CSMD1: variants seen among roughly 807,000 people sequenced by gnomAD.
CSMD1 encodes CUB and sushi domain-containing protein 1.
Under a neutral mutation model 417.5 loss-of-function variants are expected in CSMD1, and 213 were observed. The ratio of observed to expected loss-of-function variants is 0.51; its 90% CI spans 0.46 to 0.57. The LOEUF is 0.57. Among genes scored for constraint, CSMD1 ranks in the 20% least tolerant of loss-of-function variants. CSMD1 has a pLI of 0.00. For missense variants in CSMD1, 6,923 were observed against 4,529.7 expected (o/e 1.53, Z -15.17); for synonymous variants, 2,862 against 1,736.8 (o/e 1.65, Z -16.11).
At chr8:4,069,804 C>G (rs1164403111) in intron 3 of CSMD1, among the ~76,000 whole-genome samples, 1 of 152,152 alleles carries the variant, frequency 6.6e-6, no homozygotes, top group Non-Finnish European at 1.5e-5. Context: ...CGTAATTACT[C>G]GACAACTCAC....
intron 3 of CSMD1, among the ~76,000 whole-genome samples, chr8:4,037,628 A>C (rs1797688027): frequency 7.4e-6 from 1 of 134,456 alleles, no homozygotes. Context: ...TCTTATATTT[A>C]TCAGGTGTGC....
At chr8:4,868,724 T>C (rs972477315) in intron 1 of CSMD1, among the ~76,000 whole-genome samples, 1 of 151,956 alleles carries the variant, frequency 6.6e-6, no homozygotes, top group Non-Finnish European at 1.5e-5. Flanking sequence ...GCGGTACCAG[T>C]TAGAACTAGA....
At chr8:3,836,197 T>C (rs562923703) in intron 5 of CSMD1, among the ~76,000 whole-genome samples, 2 of 152,308 alleles carry the variant, frequency 1.3e-5, no homozygotes, top group African/African-American at 4.8e-5. Context: ...CACTTGTTTA[T>C]TTTGATCATG....
chr8:3,664,866 T>G (rs1203217965), intron 7 of CSMD1, among the ~76,000 whole-genome samples: 1 of 152,192 alleles, frequency 6.6e-6, no homozygotes, highest in Non-Finnish European at 1.5e-5. Context: ...CATAAACAAT[T>G]CAGACAGAAT....
At chr8:4,570,916 T>C (rs1234636377) in intron 2 of CSMD1, among the ~76,000 whole-genome samples, 2 of 152,224 alleles carry the variant, frequency 1.3e-5, no homozygotes, top group East Asian at 1.9e-4. Flanking sequence ...CTAGATTTTC[T>C]AGTTTATTTG....
intron 3 of CSMD1, among the ~76,000 whole-genome samples, chr8:4,191,329 G>C (rs1403866786): frequency 1.3e-5 from 2 of 152,250 alleles, no homozygotes; most frequent in East Asian, 3.9e-4. Flanking sequence ...CCGGGAGGCA[G>C]AGCCTGCAGT....
chr8:4,102,288 G>A (rs1401412243), intron 3 of CSMD1, among the ~76,000 whole-genome samples: 1 of 152,136 alleles, frequency 6.6e-6, no homozygotes, highest in Admixed American at 6.5e-5. Context: ...AGGAAGATCA[G>A]AGAAATCATG....
chr8:3,871,041 A>C (rs1237404477), intron 5 of CSMD1, among the ~76,000 whole-genome samples: 1 of 152,010 alleles, frequency 6.6e-6, no homozygotes, highest in African/African-American at 2.4e-5. Flanking sequence ...ATAAATCTCC[A>C]TCTTTGTGTA....
At chr8:4,816,255 G>C (rs1439982747) in intron 1 of CSMD1, among the ~76,000 whole-genome samples, 2 of 151,948 alleles carry the variant, frequency 1.3e-5, no homozygotes, top group Non-Finnish European at 2.9e-5. Flanking sequence ...TGCAATCTTG[G>C]CTCACTGCAA....
chr8:3,664,472 C>T (rs1798580755), intron 7 of CSMD1, among the ~76,000 whole-genome samples: 1 of 152,202 alleles, frequency 6.6e-6, no homozygotes, highest in African/African-American at 2.4e-5. Context: ...GCATAGGCAG[C>T]TCAATGTTAA....
At position 4,634,073 on chromosome 8, in the gene CSMD1, G is replaced by A. The variant is rs563405579; in HGVS notation, c.302+3269C>T. Among the ~76,000 whole-genome samples the A allele has an allele frequency of 4.0e-5, 6 of 150,546 alleles. No individual in the cohort carries two copies. The South Asian group carries it at 1.3e-3, about 32-fold the overall frequency. On this transcript the variant is annotated intron_variant, in intron 2 of 69. Coordinates refer to ENST00000635120, the MANE Select transcript of CSMD1 (RefSeq NM_033225.6). ...TCAGATTTTTCATTTTGAATTTTGA[G>A]TCCAAATTTCTTCCCTGTGCTTACC...
At chr8:3,774,489 G>A (rs1485961216) in intron 5 of CSMD1, among the ~76,000 whole-genome samples, 1 of 152,146 alleles carries the variant, frequency 6.6e-6, no homozygotes, top group African/African-American at 2.4e-5. Flanking sequence ...CAGAGAGACG[G>A]TTAAATAAAT....
intron 5 of CSMD1, among the ~76,000 whole-genome samples, chr8:3,860,792 C>G (rs1268873267): frequency 1.3e-5 from 2 of 152,158 alleles, no homozygotes; most frequent in African/African-American, 2.4e-5. Context: ...TACTCTGCAA[C>G]ACTTAACTCT....
chr8:3,906,330 T>A (rs1287115723), intron 5 of CSMD1, among the ~76,000 whole-genome samples: 1 of 152,174 alleles, frequency 6.6e-6, no homozygotes, highest in East Asian at 1.9e-4. Flanking sequence ...TTTGGTGTAC[T>A]AATTCAAAAT....
rs554453397 is a variant in CSMD1, at chr8:4,027,390, C to G, written c.610+4515G>C. Among the ~76,000 whole-genome samples, 4 of 152,238 alleles carry G rather than the reference C, an allele frequency of 2.6e-5. No homozygotes were observed. In the East Asian group the frequency reaches 5.8e-4, roughly 22 times the overall value. ...AACCTAAATTCTAATCCCCTAATCC[C>G]CATGAGTTGGGGAGGCACATTGTGG... On this transcript the variant is annotated intron_variant, in intron 4 of 69. Coordinates refer to ENST00000635120, the MANE Select transcript of CSMD1 (RefSeq NM_033225.6).
intron 3 of CSMD1, among the ~76,000 whole-genome samples, chr8:4,161,311 A>C (rs1020935529): frequency 1.2e-4 from 18 of 152,350 alleles, no homozygotes; most frequent in African/African-American, 4.3e-4. Context: ...GATAAGAAAC[A>C]GTAAGTGACA....
At chr8:4,692,257 G>C (rs1380409806) in intron 1 of CSMD1, among the ~76,000 whole-genome samples, 2 of 152,086 alleles carry the variant, frequency 1.3e-5, no homozygotes, top group African/African-American at 4.8e-5. Context: ...CAACAGTCAA[G>C]TCTTAAGATG....
chr8:4,080,913 G>A lies in CSMD1; in HGVS notation c.416-48814C>T, dbSNP rs554245899. Among the ~76,000 whole-genome samples, 7 of 152,268 alleles carry A rather than the reference G, an allele frequency of 4.6e-5. No homozygotes were observed. The South Asian group carries it at 8.3e-4, about 18-fold the overall frequency. On this transcript the variant is annotated intron_variant, in intron 3 of 69. Transcript: ENST00000635120. The stretch of plus-strand genomic sequence containing the variant: ...CCCAAGGTGATAGTATTAAGAGGCA[G>A]GGCCTTTGTGAGGTGATTAGGCTCT...
chr8:4,228,791 C>G (rs1035691590), intron 3 of CSMD1, among the ~76,000 whole-genome samples: 1 of 152,034 alleles, frequency 6.6e-6, no homozygotes, highest in Non-Finnish European at 1.5e-5. Flanking sequence ...TCAAAAGATT[C>G]TCCTGCTTCT....
Sources: allele counts gnomAD v4.1 joint callset (sites outside exome capture counted in the v4.1 genomes callset), GRCh38; gene constraint gnomAD v4.1.1; transcripts MANE v1.5; gene names NCBI Gene and HGNC (gene_info 2026-07-23, HGNC 2026-07-21).